The following CORO7 variants were observed in gnomAD, a reference collection of about 807,000 sequenced individuals.
The protein encoded by CORO7 is coronin-7.
Under a neutral mutation model 126.6 loss-of-function variants are expected in CORO7, and 107 were observed. The observed-to-expected ratio is 0.85, with a 90% CI of 0.72 to 0.99. CORO7 has a LOEUF of 0.99. CORO7 is among the 50% of genes least tolerant of loss of function. The pLI, the probability that CORO7 is intolerant of heterozygous loss-of-function variation, is 0.00. For synonymous variants in CORO7, 603 were observed against 536.8 expected, an observed-to-expected ratio of 1.12 and a Z score of -1.70; for missense variants, 1,314 against 1,255.8, an observed-to-expected ratio of 1.05 and a Z score of -0.70.
At chr16:4,372,719 T>C (rs1325390714) in intron 9 of CORO7, among the ~76,000 whole-genome samples, 1 of 152,152 alleles carries the variant, frequency 6.6e-6, no homozygotes, top group Non-Finnish European at 1.5e-5. Context: ...CTGTGGTCAC[T>C]GGCAGGCCAG....
rs532994933 is a variant in CORO7, at chr16:4,388,642, C to G, written c.616-11G>C. ...ATGGGCCTGCGTGCTCTGCAGGAGGCAAGAGGTGGACCTGAGCCCCCAGGG... is the reference window on the plus strand; with the variant it reads ...ATGGGCCTGCGTGCTCTGCAGGAGGGAAGAGGTGGACCTGAGCCCCCAGGG... On this transcript the variant is annotated splice_polypyrimidine_tract_variant and intron_variant, in intron 7 of 27. Coordinates refer to ENST00000251166, the MANE Select transcript of CORO7 (RefSeq NM_024535.5). The G allele has an allele frequency of 1.2e-6, 2 of 1,608,130 alleles. No individual in the cohort carries two copies. Among genetic ancestry groups the G allele is most frequent in the Non-Finnish European group, 1.7e-6 (2 of 1,178,258 alleles).
At chr16:4,382,824 T>G in intron 9 of CORO7, 1 of 1,598,836 alleles carries the variant, frequency 6.3e-7, no homozygotes, top group South Asian at 1.1e-5. Context: ...CCAGCGGGTC[T>G]GAGTGTGAGG....
At chr16:4,392,724 C>T (rs1190214274) in intron 7 of CORO7, among the ~76,000 whole-genome samples, 2 of 152,250 alleles carry the variant, frequency 1.3e-5, no homozygotes, top group Non-Finnish European at 2.9e-5. Flanking sequence ...TCGGCTCACA[C>T]CGGCCCTGGC....
chr16:4,358,134 C>T, intron 24 of CORO7, 31 bp from the exon 25 acceptor site: 1 of 1,596,700 alleles, frequency 6.3e-7, no homozygotes, highest in Non-Finnish European at 8.6e-7. Flanking sequence ...TGTCCTGAGA[C>T]ATTGACCAGG....
chr16:4,376,811 C>A (rs2054748276), intron 9 of CORO7, among the ~76,000 whole-genome samples: 2 of 152,140 alleles, frequency 1.3e-5, no homozygotes, highest in African/African-American at 4.8e-5. Context: ...ACCAGAGATA[C>A]CCCACCCCCG....
intron 6 of CORO7, among the ~76,000 whole-genome samples, chr16:4,404,792 C>A (rs1224287003): frequency 1.3e-5 from 2 of 152,166 alleles, no homozygotes; most frequent in African/African-American, 4.8e-5. Context: ...CACCTCCCCG[C>A]AGGCTGCCAC....
At chr16:4,399,746 C>T (rs1272356712) in intron 6 of CORO7, among the ~76,000 whole-genome samples, 1 of 151,990 alleles carries the variant, frequency 6.6e-6, no homozygotes, top group Non-Finnish European at 1.5e-5. Flanking sequence ...TAAAAAGTAG[C>T]TGGGCGTGGT....
chr16:4,405,077 G>A (rs1016878531), intron 6 of CORO7, among the ~76,000 whole-genome samples: 5 of 152,148 alleles, frequency 3.3e-5, no homozygotes, highest in African/African-American at 1.2e-4. Context: ...CAGAGCCCAG[G>A]TCACGGGTCC....
At chr16:4,364,135 G>T in intron 14 of CORO7, 141 bp downstream of exon 14, 1 of 1,179,748 alleles carries the variant, frequency 8.5e-7, no homozygotes, top group Non-Finnish European at 1.1e-6. Flanking sequence ...GCAGTGAGCC[G>T]AGGTTGCGCC....
rs76555207 is a variant in CORO7, at chr16:4,357,752, C to G, written c.2593+216G>C. The G allele has an allele frequency of 1.0e-5, 7 of 696,956 alleles. No individual in the cohort carries two copies. In the East Asian group the frequency reaches 2.1e-4, roughly 20 times the overall value. The allele number at this position is 696,956 out of a possible 1,614,324, so 43.2% of individuals were successfully genotyped here. A position where few individuals can be genotyped will look rare whatever the true frequency, so the allele number is the denominator to read the frequency against. ...CCTGCCCTAGACACCACAGTGTGTG[C>G]GTGTGTGTGTGTGTTAGGGGTGGGG... On this transcript the variant is annotated intron_variant, in intron 25 of 27. Coordinates refer to ENST00000251166, the MANE Select transcript of CORO7 (RefSeq NM_024535.5).
At position 4,395,319 on chromosome 16, in the gene CORO7, A is replaced by G. The variant is rs748763365; in HGVS notation, c.585T>C (p.Phe195=). The change falls in exon 7 of 28, where the codon TTT becomes TTC. Residue 195 remains phenylalanine, a synonymous_variant. Coordinates refer to ENST00000251166, the MANE Select transcript of CORO7 (RefSeq NM_024535.5). ...TACKDKQLRI[F]DPRTKPRASQ... ...AGGCCCGCGGCTTTGTTCTGGGGTC[A>G]AAGATCCGCAGCTGCTTGTCCTGGA... 12 of 1,613,964 alleles carry G rather than the reference A, an allele frequency of 7.4e-6. No homozygotes were observed. In the South Asian group the frequency reaches 1.2e-4, roughly 16 times the overall value.
Position 4,387,253 on chromosome 16 carries a change from G to A in CORO7, c.785+733C>T, listed in dbSNP as rs369435588. 1.1e-3 allele frequency among the ~76,000 whole-genome samples: 161 copies of A among 152,202 alleles called. 6 individuals carry two copies. The South Asian group carries it at 0.031, about 29-fold the overall frequency. The stretch of plus-strand genomic sequence containing the variant: ...TGAGTCACTCATAAATGCTTGCCCT[G>A]GGCCTCCTGGTGTCTGGCTCCTGAG... On this transcript the variant is annotated intron_variant, in intron 9 of 27. Transcript: ENST00000251166.
At chr16:4,371,525 G>C (rs1308213207) in intron 9 of CORO7, among the ~76,000 whole-genome samples, 1 of 152,210 alleles carries the variant, frequency 6.6e-6, no homozygotes, top group Non-Finnish European at 1.5e-5. Flanking sequence ...CCCTGGGGTG[G>C]ACTTCTGGCA....
chr16:4,382,247 C>A, intron 9 of CORO7: 1 of 1,607,548 alleles, frequency 6.2e-7, no homozygotes, highest in Non-Finnish European at 8.5e-7. Context: ...ACACCAGTCA[C>A]GCCGAGGCCA....
chr16:4,406,919 G>A (rs930034374), intron 5 of CORO7, among the ~76,000 whole-genome samples: 3 of 151,302 alleles, frequency 2.0e-5, no homozygotes, highest in Admixed American at 6.6e-5. Flanking sequence ...GATTACAGGC[G>A]TGAGCCACCG....
At chr16:4,387,183 C>T (rs537338715) in intron 9 of CORO7, among the ~76,000 whole-genome samples, 2 of 152,168 alleles carry the variant, frequency 1.3e-5, no homozygotes, top group South Asian at 2.1e-4. Context: ...GAACACCCCC[C>T]CCAGCCTCAG....
At chr16:4,380,339 G>C (rs2054909887) in intron 9 of CORO7, among the ~76,000 whole-genome samples, 1 of 152,234 alleles carries the variant, frequency 6.6e-6, no homozygotes, top group Non-Finnish European at 1.5e-5. Context: ...GAAAAACATG[G>C]ATCCCATAGT....
chr16:4,370,041 A>G (rs1260864531), intron 9 of CORO7, among the ~76,000 whole-genome samples: 3 of 152,104 alleles, frequency 2.0e-5, no homozygotes, highest in South Asian at 2.1e-4. Context: ...GGGGGTGAAC[A>G]CCAGGCAGAT....
intron 2 of CORO7, chr16:4,413,026 G>C (rs2056270780): frequency 5.4e-6 from 2 of 372,450 alleles, no homozygotes; most frequent in East Asian, 9.0e-5. Context: ...GAGCACAGAG[G>C]GACAGCTGGA....
Sources: allele counts gnomAD v4.1 joint callset (sites outside exome capture counted in the v4.1 genomes callset), GRCh38; gene constraint gnomAD v4.1.1; transcripts MANE v1.5; gene names NCBI Gene and HGNC (gene_info 2026-07-23, HGNC 2026-07-21).